The following ANKRD28 variants were observed in gnomAD, a reference collection of about 807,000 sequenced individuals.
ANKRD28 encodes serine/threonine-protein phosphatase 6 regulatory ankyrin repeat subunit A.
Under a neutral mutation model 126.5 loss-of-function variants are expected in ANKRD28, and 44 were observed. That is an observed-to-expected ratio of 0.35 (90% CI 0.27 to 0.45). The LOEUF (loss-of-function observed/expected upper bound fraction) is 0.45, where lower values mean the gene tolerates loss of function less well. ANKRD28 is among the 20% of genes least tolerant of loss of function. The pLI, the probability that ANKRD28 is intolerant of heterozygous loss-of-function variation, is 1.00. For missense variants in ANKRD28, 1,110 were observed against 1,316.6 expected, an observed-to-expected ratio of 0.84 and a Z score of 2.43; for synonymous variants, 442 against 468.5, an observed-to-expected ratio of 0.94 and a Z score of 0.73.
At chr3:15,834,673 T>C (rs575582933) in intron 1 of ANKRD28, among the ~76,000 whole-genome samples, 203 of 152,326 alleles carry the variant, frequency 1.3e-3, no homozygotes, top group African/African-American at 4.6e-3. Flanking sequence ...TTCATACTTC[T>C]ATGAAAAACT....
chr3:15,726,401 T>C (rs1350374414), intron 6 of ANKRD28, among the ~76,000 whole-genome samples: 1 of 152,210 alleles, frequency 6.6e-6, no homozygotes, highest in Non-Finnish European at 1.5e-5. Context: ...GTGGCCTTAC[T>C]GATGATACAG....
chr3:15,768,660 C>T (rs965421884), intron 2 of ANKRD28, among the ~76,000 whole-genome samples: 9 of 149,012 alleles, frequency 6.0e-5, no homozygotes, highest in East Asian at 2.0e-4. Context: ...TGGCGGGGGG[C>T]GGCGGTGGGG....
At position 15,828,851 on chromosome 3, in the gene ANKRD28, A is replaced by C. The variant is rs1365900939; in HGVS notation, c.27+30526T>G. On this transcript the variant is annotated intron_variant, in intron 1 of 27. Coordinates refer to the ANKRD28 transcript ENST00000399451. Reference sequence around the variant, plus strand: ...ATGTGTAATCAAGACCAAGACTCTAAATCAAGGTAACTCTGCTTAATTTTA... The same window carrying C: ...ATGTGTAATCAAGACCAAGACTCTACATCAAGGTAACTCTGCTTAATTTTA... Among the ~76,000 whole-genome samples the C allele has an allele frequency of 7.2e-5, 11 of 152,298 alleles. No homozygotes were observed. In the East Asian group the frequency reaches 2.1e-3, roughly 29 times the overall value.
intron 1 of ANKRD28, among the ~76,000 whole-genome samples, chr3:15,832,821 C>CA (rs2061234539): frequency 6.6e-6 from 1 of 152,130 alleles, no homozygotes; most frequent in South Asian, 2.1e-4. Context: ...TTTCTTTATC[C>CA]AATCTTCTGT....
chr3:15,731,085 T>C (rs2074560070), intron 6 of ANKRD28, among the ~76,000 whole-genome samples: 1 of 152,224 alleles, frequency 6.6e-6, no homozygotes, highest in African/African-American at 2.4e-5. Flanking sequence ...ACCCAGTCTA[T>C]GACATTTAAT....
chr3:15,686,495 T>G, intron 18 of ANKRD28, 186 bp from the exon 19 acceptor site: 1 of 599,890 alleles, frequency 1.7e-6, no homozygotes, highest in Non-Finnish European at 2.9e-6. Context: ...GGAATAAATG[T>G]GAATTCCTCA....
At chr3:15,749,556 G>T (rs1420293478) in intron 4 of ANKRD28, among the ~76,000 whole-genome samples, 2 of 152,082 alleles carry the variant, frequency 1.3e-5, no homozygotes, top group Non-Finnish European at 2.9e-5. Context: ...ATATTTTGGG[G>T]GTGTTAAATA....
chr3:15,829,884 CCAAATCTGAAT>C (rs2061152699), intron 1 of ANKRD28, among the ~76,000 whole-genome samples: 1 of 151,158 alleles, frequency 6.6e-6, no homozygotes, highest in Non-Finnish European at 1.5e-5. Flanking sequence ...TGCCAAAGAG[CCAAATCTGAAT>C]AACCATAATG....
chr3:15,765,861 A>C (rs2058712658), intron 3 of ANKRD28, among the ~76,000 whole-genome samples: 1 of 151,542 alleles, frequency 6.6e-6, no homozygotes, highest in Admixed American at 6.6e-5. Context: ...AAAAAAAAAA[A>C]AAACCAACCA....
Position 15,830,723 on chromosome 3 carries a change from C to A in ANKRD28, c.27+28654G>T, listed in dbSNP as rs755366374. ...CAGCTCCTAGGAGGTAACTGCTAAC[C>A]CCTTGGAATGTCCTGCTTGATAAAG... On this transcript the variant is annotated intron_variant, in intron 1 of 27. Transcript: ENST00000399451. The surrounding 1 kb of genome is among the most constrained non-coding windows in gnomAD (Gnocchi z 4.5). Among the ~76,000 whole-genome samples, 1 of 151,974 alleles carries A rather than the reference C, an allele frequency of 6.6e-6. No individual in the cohort carries two copies. The highest frequency in any genetic ancestry group is 1.5e-5 in the Non-Finnish European group (1 of 67,988).
At chr3:15,859,404 G>A (rs1186291304) in exon 1 of ANKRD28, 2 of 1,527,170 alleles carry the variant, frequency 1.3e-6, no homozygotes, top group East Asian at 2.6e-5. Flanking sequence ...GGAACGCCAT[G>A]GCGGTCGCCT....
At chr3:15,695,143 A>T in intron 16 of ANKRD28, 45 bp downstream of exon 16, 1 of 1,463,154 alleles carries the variant, frequency 6.8e-7, no homozygotes, top group Non-Finnish European at 9.5e-7. Flanking sequence ...GGTAGGAGGG[A>T]ACTGACCAAT....
chr3:15,801,407 C>T (rs972457506), upstream of ANKRD28, among the ~76,000 whole-genome samples: 1 of 152,060 alleles, frequency 6.6e-6, no homozygotes, highest in Non-Finnish European at 1.5e-5. This position sits in a 1 kb window ranked among gnomAD's most constrained non-coding sequence, Gnocchi z 4.9. Context: ...CTGTGAACTC[C>T]GTATTATCAT....
At chr3:15,718,767 C>G (rs2073367701) in intron 8 of ANKRD28, among the ~76,000 whole-genome samples, 1 of 152,208 alleles carries the variant, frequency 6.6e-6, no homozygotes, top group African/African-American at 2.4e-5. Context: ...TATCCACATT[C>G]ACTATCGTAA....
intron 27 of ANKRD28, among the ~76,000 whole-genome samples, chr3:15,674,086 C>A (rs536421944): frequency 7.2e-6 from 1 of 139,810 alleles, no homozygotes; most frequent in South Asian, 2.3e-4. Context: ...GTGAGAGGTT[C>A]TCTTGAGCCC....
chr3:15,793,481 T>A (rs562859961), intron 2 of ANKRD28, among the ~76,000 whole-genome samples: 8 of 152,320 alleles, frequency 5.3e-5, no homozygotes, highest in South Asian at 4.1e-4. Flanking sequence ...AATTTTTTTT[T>A]AATTTAGGAT....
At position 15,735,507 on chromosome 3, in the gene ANKRD28, AAGTAAACAC is replaced by A. The variant is rs772613227; in HGVS notation, c.553-19_553-11del. On this transcript the variant is annotated splice_polypyrimidine_tract_variant and intron_variant, in intron 5 of 27. Transcript: ENST00000683139. The stretch of plus-strand genomic sequence containing the variant: ...AGAGTAGTTTGACCATCTGGAATAG[AAGTAAACAC>A]AGTGTCATCAAAATTGTGAAGCACA... 9.8e-6 allele frequency: 15 copies of A among 1,535,950 alleles called. No homozygotes were observed. In the East Asian group the frequency reaches 3.7e-4, roughly 37 times the overall value.
In ANKRD28 at chr3:15,679,371, C is replaced by T; in HGVS notation, c.2491G>A (p.Glu831Lys). ...PLHCAVINDN[E>K]GAAEMLIDTL... The stretch of plus-strand genomic sequence containing the variant: ...TCAATTAACATCTCAGCAGCACCTT[C>T]GTTGTCATTTATCCTGTGTAAGGTA... The change falls in exon 23 of 28, where the codon GAA becomes AAA. Residue 831 changes from glutamate to lysine, a missense_variant. Coordinates refer to ENST00000683139, the MANE Select transcript of ANKRD28 (RefSeq NM_001349278.2). 3 of 1,613,932 alleles carry T rather than the reference C, an allele frequency of 1.9e-6. No individual in the cohort carries two copies. The highest frequency in any genetic ancestry group is 2.5e-6 in the Non-Finnish European group (3 of 1,179,852).
chr3:15,774,644 A>G (rs191851634), intron 2 of ANKRD28, among the ~76,000 whole-genome samples: 86 of 152,296 alleles, frequency 5.6e-4, no homozygotes, highest in African/African-American at 1.9e-3. Context: ...GACTTCTGAA[A>G]CAAGATATCA....
Sources: gnomAD v4.1 joint callset for allele counts (sites outside exome capture counted in the v4.1 genomes callset) on GRCh38, gnomAD v4.1.1 for gene constraint, Gnocchi (gnomAD v3.1) non-coding constraint, MANE v1.5 for transcripts, NCBI Gene and HGNC (gene_info 2026-07-23, HGNC 2026-07-21) for gene names.